SAMD4B: variants seen among roughly 807,000 people sequenced by gnomAD.
The protein encoded by SAMD4B is sterile alpha motif domain containing 4B.
SAMD4B carries 5 observed loss-of-function variants against 74.5 expected under a neutral mutation model. The ratio of observed to expected loss-of-function variants is 0.07; its 90% confidence interval spans 0.04 to 0.14. The LOEUF is 0.14. Ranked by LOEUF, SAMD4B falls within the 10% of genes least tolerant of loss-of-function variation. The pLI is 1.00. For missense variants in SAMD4B, 608 were observed against 921.8 expected (o/e 0.66, Z 4.41); for synonymous variants, 373 against 374.9 (o/e 1.00, Z 0.06).
At chr19:39,376,620 C>G in intron 6 of SAMD4B, 74 bp downstream of exon 6, 1 of 1,576,830 alleles carries the variant, frequency 6.3e-7, no homozygotes, top group Non-Finnish European at 8.7e-7. Context: ...CAAGCCTCCT[C>G]TGTCTCCTTG....
At chr19:39,390,682 CAGAA>C, downstream of SAMD4B, 1 of 935,098 alleles carries the variant, frequency 1.1e-6, no homozygotes, top group Non-Finnish European at 1.7e-6. Context: ...ACCTGAATCT[CAGAA>C]GGAACCCGCC....
downstream of SAMD4B, chr19:39,387,023 G>C: frequency 3.9e-6 from 2 of 513,382 alleles, no homozygotes; most frequent in East Asian, 3.4e-5. Context: ...GCCCTACACT[G>C]TGTGTGTGTG....
chr19:39,380,301 G>A (rs1002520657), intron 10 of SAMD4B, among the ~76,000 whole-genome samples: 4 of 152,208 alleles, frequency 2.6e-5, no homozygotes, highest in South Asian at 2.1e-4. Context: ...CTTGCTCCTC[G>A]CCTGTATGCA....
rs2077709229 is a variant in SAMD4B, at chr19:39,378,029, TC to T, written c.1444+209del. On this transcript the variant is annotated intron_variant, in intron 8 of 13. Coordinates refer to ENST00000610417, the MANE Select transcript of SAMD4B (RefSeq NM_001384574.2). This position sits in a 1 kb window ranked among gnomAD's most constrained non-coding sequence, Gnocchi z 4.4. ...TGGGCTGATGGTGGATAACAGCCCT[TC>T]CCCTCAAAGCGTCTCCAGGCTGAGC... Among the ~76,000 whole-genome samples the T allele has an allele frequency of 6.6e-6, 1 of 152,150 alleles. No homozygotes were observed. The highest frequency in any genetic ancestry group is 6.5e-5 in the Admixed American group (1 of 15,288).
chr19:39,383,958 A>C lies in SAMD4B; in HGVS notation c.*431A>C. 3.8e-6 allele frequency: 2 copies of C among 521,902 alleles called. No individual in the cohort carries two copies. The allele number at this position is 521,902 out of a possible 1,614,324, so 32.3% of individuals were successfully genotyped here. A position where few individuals can be genotyped will look rare whatever the true frequency, so the allele number is the denominator to read the frequency against. On this transcript the variant is annotated 3_prime_UTR_variant, in exon 14 of 14. Coordinates refer to ENST00000610417, the MANE Select transcript of SAMD4B (RefSeq NM_001384574.2). The surrounding 1 kb of genome is among the most constrained non-coding windows in gnomAD (Gnocchi z 4.1). Reference sequence around the variant, plus strand: ...TGACATTTGGGGTGACGCGCAGGGCAGAGAACCTGCCCTCCAGAATGTTAT... The same window carrying C: ...TGACATTTGGGGTGACGCGCAGGGCCGAGAACCTGCCCTCCAGAATGTTAT...
At position 39,377,739 on chromosome 19, in the gene SAMD4B, A is replaced by C. The variant is rs2077691998; in HGVS notation, c.1359A>C (p.Pro453=). Residue 453 remains proline, a synonymous_variant, in exon 8 of 14, where the codon CCA becomes CCC. Coordinates refer to ENST00000610417, the MANE Select transcript of SAMD4B (RefSeq NM_001384574.2). ...AVENYPPPPA[P]APTDGSEPAP... The stretch of plus-strand genomic sequence containing the variant: ...AGAACTACCCACCTCCACCAGCTCC[A>C]GCTCCCACTGATGGCAGTGAGCCTG... 1.2e-6 allele frequency: 2 copies of C among 1,614,194 alleles called. No homozygotes were observed. Among genetic ancestry groups the C allele is most frequent in the Non-Finnish European group, 1.7e-6 (2 of 1,180,008 alleles).
chr19:39,382,410 G>A (rs1194181756), intron 12 of SAMD4B, among the ~76,000 whole-genome samples: 2 of 152,120 alleles, frequency 1.3e-5, no homozygotes, highest in African/African-American at 4.8e-5. Context: ...AGCAATCTGA[G>A]ACAGGTCTTG....
Position 39,384,089 on chromosome 19 carries a change from T to C in SAMD4B, c.*562T>C, listed in dbSNP as rs2078163648. 1 of 295,782 alleles carries C rather than the reference T, an allele frequency of 3.4e-6. No individual in the cohort carries two copies. Among genetic ancestry groups the C allele is most frequent in the Admixed American group, 4.6e-5 (1 of 21,762 alleles). 18.3% of individuals were successfully genotyped at this position (295,782 alleles called of 1,614,324 possible). A position where few individuals can be genotyped will look rare whatever the true frequency, so the allele number is the denominator to read the frequency against. ...ACATTCTGCAAGGACAGGAGCCACC[T>C]TCCTCTCTCTCACCTCCCCTGGCCC... is the stretch of plus-strand genomic sequence containing the variant. On this transcript the variant is annotated 3_prime_UTR_variant, in exon 14 of 14. Coordinates refer to ENST00000610417, the MANE Select transcript of SAMD4B (RefSeq NM_001384574.2).
chr19:39,348,540 G>C (rs538329732), intron 1 of SAMD4B, among the ~76,000 whole-genome samples: 9 of 152,300 alleles, frequency 5.9e-5, no homozygotes, highest in Non-Finnish European at 1.2e-4. Flanking sequence ...GTGAGGGAGA[G>C]GGGTGAGGGT....
At chr19:39,358,717 T>C (rs1218926831) in intron 3 of SAMD4B, among the ~76,000 whole-genome samples, 3 of 152,178 alleles carry the variant, frequency 2.0e-5, no homozygotes, top group African/African-American at 4.8e-5. Context: ...TGACATGTAG[T>C]AAACAATAAC....
In SAMD4B at chr19:39,356,691, A is replaced by G; in HGVS notation, c.-203A>G. ...GACCCCTTTGCTTCCTTTTTCAGGA[A>G]ACTGGAGAGGCGTGGCTGGACCAAG... On this transcript the variant is annotated splice_region_variant and 5_prime_UTR_variant, in exon 3 of 14. Transcript: ENST00000610417. The G allele has an allele frequency of 1.0e-5, 5 of 490,174 alleles. No individual in the cohort carries two copies. Among genetic ancestry groups the G allele is most frequent in the Non-Finnish European group, 1.5e-5 (4 of 275,210 alleles). The allele number at this position is 490,174 out of a possible 1,614,324, so 30.4% of individuals were successfully genotyped here.
At chr19:39,381,532 T>C (rs915667357) in intron 12 of SAMD4B, among the ~76,000 whole-genome samples, 3 of 152,164 alleles carry the variant, frequency 2.0e-5, no homozygotes, top group African/African-American at 7.2e-5. Context: ...CTGGGATTCT[T>C]TCAGATGCCA....
chr19:39,387,863 C>G (rs1052530389), downstream of SAMD4B, among the ~76,000 whole-genome samples: 1 of 152,172 alleles, frequency 6.6e-6, no homozygotes, highest in African/African-American at 2.4e-5. Flanking sequence ...TCTGGCTGGG[C>G]GTGGTGGCTC....
rs1174657281 is a variant in SAMD4B at position 39,384,790 on chromosome 19, C to T, written c.*1263C>T. ...TGGGACATTCTCAAGCTTTTCACACCGAAAAGGAAAAAAAATGTTATTTTT... is the reference window on the plus strand; with the variant it reads ...TGGGACATTCTCAAGCTTTTCACACTGAAAAGGAAAAAAAATGTTATTTTT... On this transcript the variant is annotated 3_prime_UTR_variant, in exon 14 of 14. Coordinates refer to ENST00000610417, the MANE Select transcript of SAMD4B (RefSeq NM_001384574.2). The T allele has an allele frequency of 1.3e-5, 2 of 150,282 alleles. No homozygotes were observed. Among genetic ancestry groups the T allele is most frequent in the Non-Finnish European group, 3.0e-5 (2 of 67,732 alleles). The allele number at this position is 150,282 out of a possible 1,614,324, so 9.3% of individuals were successfully genotyped here.
intron 3 of SAMD4B, among the ~76,000 whole-genome samples, chr19:39,368,312 G>T (rs1270326285): frequency 2.0e-5 from 3 of 152,186 alleles, no homozygotes; most frequent in African/African-American, 7.2e-5. Context: ...CCATGACATG[G>T]AACAGCCAGG....
intron 4 of SAMD4B, among the ~76,000 whole-genome samples, chr19:39,372,178 A>G (rs886848908): frequency 4.6e-5 from 7 of 152,200 alleles, no homozygotes; most frequent in Non-Finnish European, 7.3e-5. Context: ...GCACAGCATG[A>G]AATAAGCACG....
Position 39,384,897 on chromosome 19 carries a change from A to G in SAMD4B, c.*1370A>G, listed in dbSNP as rs1289295358. The G allele has an allele frequency of 2.6e-5, 4 of 152,454 alleles. No homozygotes were observed. Among genetic ancestry groups the G allele is most frequent in the Non-Finnish European group, 5.9e-5 (4 of 68,006 alleles). The allele number at this position is 152,454 out of a possible 1,614,324, so 9.4% of individuals were successfully genotyped here. ...TTATTAAAGATACAAAATGTTGGGA[A>G]AAAAACAAAAAAAACAAAAAAAAAA... On this transcript the variant is annotated 3_prime_UTR_variant, in exon 14 of 14. Coordinates refer to ENST00000610417, the MANE Select transcript of SAMD4B (RefSeq NM_001384574.2).
chr19:39,386,965 T>C (rs59446951), downstream of SAMD4B, among the ~76,000 whole-genome samples: 9,289 of 152,246 alleles, frequency 0.061, 448 homozygotes, highest in African/African-American at 0.13. The surrounding 1 kb of genome is among the most constrained non-coding windows in gnomAD (Gnocchi z 6.1). Context: ...GCTCAAGGTA[T>C]TGAGGGCAGG....
chr19:39,358,617 A>G (rs150380639), intron 3 of SAMD4B, among the ~76,000 whole-genome samples: 220 of 151,954 alleles, frequency 1.4e-3, no homozygotes, highest in Non-Finnish European at 2.5e-3. Flanking sequence ...AAAAAAAAAG[A>G]AAAGGAAAGA....
Sources: gnomAD v4.1 joint callset for allele counts (sites outside exome capture counted in the v4.1 genomes callset) on GRCh38, gnomAD v4.1.1 for gene constraint, Gnocchi (gnomAD v3.1) non-coding constraint, MANE v1.5 for transcripts, NCBI Gene and HGNC (gene_info 2026-07-23, HGNC 2026-07-21) for gene names.